Variants in KLHL28 observed in about 807,000 individuals in gnomAD.
The protein encoded by KLHL28 is kelch like family member 28.
KLHL28 carries 22 observed loss-of-function variants against 48.3 expected under a neutral mutation model. The ratio of observed to expected loss-of-function variants is 0.46; its 90% CI spans 0.33 to 0.65. The LOEUF (loss-of-function observed/expected upper bound fraction) is 0.65, where lower values mean the gene tolerates loss of function less well. Ranked by LOEUF, KLHL28 falls within the 30% of genes least tolerant of loss-of-function variation. KLHL28 has a pLI of 0.03. For missense variants in KLHL28, 527 were observed against 704.3 expected, an observed-to-expected ratio of 0.75 and a Z score of 2.85; for synonymous variants, 243 against 242.4, an observed-to-expected ratio of 1.00 and a Z score of -0.02.
At chr14:44,941,639 AAAAAAAG>A (rs1726147907) in intron 2 of KLHL28, among the ~76,000 whole-genome samples, 1 of 151,642 alleles carries the variant, frequency 6.6e-6, no homozygotes, top group South Asian at 2.1e-4. Context: ...AAAAAAAAAA[AAAAAAAG>A]AAAAAGAAAA....
At chr14:44,946,009 A>C in intron 1 of KLHL28, 81 bp from the exon 2 acceptor site, 2 of 1,075,456 alleles carry the variant, frequency 1.9e-6, no homozygotes, top group Non-Finnish European at 2.7e-6. Flanking sequence ...GTACAGAATA[A>C]TCAGATTTGT....
chr14:44,961,656 G>A (rs923101282), intron 1 of KLHL28, 190 bp downstream of exon 1: 3 of 152,150 alleles, frequency 2.0e-5, no homozygotes, highest in Non-Finnish European at 4.4e-5. Flanking sequence ...ATGGCAAGAG[G>A]AAAGGATCGC....
chr14:44,941,099 C>T (rs1018071794), intron 2 of KLHL28, among the ~76,000 whole-genome samples: 2 of 151,390 alleles, frequency 1.3e-5, no homozygotes, highest in Non-Finnish European at 3.0e-5. Context: ...GACACCTGGG[C>T]GACAGAGCGA....
chr14:44,939,452 T>C (rs7154959), intron 2 of KLHL28, among the ~76,000 whole-genome samples: 467 of 152,322 alleles, frequency 3.1e-3, no homozygotes, highest in African/African-American at 0.011. Flanking sequence ...TTTCCAAGTC[T>C]TTCTGTTCCG....
chr14:44,953,050 A>T (rs1405943139), intron 1 of KLHL28, among the ~76,000 whole-genome samples: 1 of 152,232 alleles, frequency 6.6e-6, no homozygotes, highest in African/African-American at 2.4e-5. Flanking sequence ...AAGCTTAAAC[A>T]TTCTCATTTG....
intron 2 of KLHL28, among the ~76,000 whole-genome samples, chr14:44,936,161 G>A (rs1034890335): frequency 6.6e-6 from 1 of 151,722 alleles, no homozygotes; most frequent in Admixed American, 6.6e-5. Context: ...GTGAAAACAG[G>A]GGGTATAACT....
chr14:44,943,341 T>C (rs1457715395), intron 2 of KLHL28, among the ~76,000 whole-genome samples: 2 of 152,220 alleles, frequency 1.3e-5, no homozygotes, highest in Non-Finnish European at 2.9e-5. Context: ...GTCTCAACAA[T>C]ACTAGTTTCA....
intron 2 of KLHL28, among the ~76,000 whole-genome samples, chr14:44,944,488 T>A (rs2138627328): frequency 6.6e-6 from 1 of 152,360 alleles, no homozygotes. Flanking sequence ...AAAAACATAT[T>A]TCTTAATGCT....
At chr14:44,929,608 C>T (rs1268541581) in intron 4 of KLHL28, among the ~76,000 whole-genome samples, 1 of 152,100 alleles carries the variant, frequency 6.6e-6, no homozygotes, top group Non-Finnish European at 1.5e-5. Flanking sequence ...CAGTTTCAGT[C>T]CACTGGGGGT....
intron 1 of KLHL28, among the ~76,000 whole-genome samples, chr14:44,949,254 T>C (rs1884473734): frequency 6.6e-6 from 1 of 152,140 alleles, no homozygotes; most frequent in Non-Finnish European, 1.5e-5. Context: ...AAGATTTGAC[T>C]TGTGAATACC....
In KLHL28 at chr14:44,941,831, C is replaced by T. The variant is rs774649614; in HGVS notation, c.899+3199G>A. Among the ~76,000 whole-genome samples, 6 of 152,152 alleles carry T rather than the reference C, an allele frequency of 3.9e-5. No individual in the cohort carries two copies. The East Asian group carries it at 7.7e-4, about 20-fold the overall frequency. On this transcript the variant is annotated intron_variant, in intron 2 of 4. Coordinates refer to ENST00000396128, the MANE Select transcript of KLHL28 (RefSeq NM_017658.5). ...GACTCTATTCACTTGGTTCCCCTAC[C>T]GCTAAAATTGTTCCTGCTGCCCTCA...
intron 1 of KLHL28, among the ~76,000 whole-genome samples, chr14:44,950,590 T>C (rs985199400): frequency 6.6e-6 from 1 of 152,174 alleles, no homozygotes; most frequent in Non-Finnish European, 1.5e-5. Flanking sequence ...TTGTATGATA[T>C]GCAGTATAGT....
intron 1 of KLHL28, among the ~76,000 whole-genome samples, chr14:44,953,301 CA>C (rs1884665152): frequency 6.6e-6 from 1 of 151,980 alleles, no homozygotes; most frequent in Non-Finnish European, 1.5e-5. Context: ...GGATAAATTA[CA>C]AATGAATCAG....
At chr14:44,929,622 G>A (rs1291255833) in intron 4 of KLHL28, among the ~76,000 whole-genome samples, 2 of 152,080 alleles carry the variant, frequency 1.3e-5, no homozygotes, top group Non-Finnish European at 2.9e-5. Flanking sequence ...TGGGGGTCTT[G>A]GAATATATAT....
rs921900081 is a variant in KLHL28, at chr14:44,927,985, G to C, written c.*1043C>G. On this transcript the variant is annotated 3_prime_UTR_variant, in exon 5 of 5. Coordinates refer to ENST00000396128, the MANE Select transcript of KLHL28 (RefSeq NM_017658.5). ...GCGTAATCACTAACATTTTTAATAA[G>C]CACAAATGAATCAAGCCATTAAAAA... 1 of 152,422 alleles carries C rather than the reference G, an allele frequency of 6.6e-6. No individual in the cohort carries two copies. The highest frequency in any genetic ancestry group is 2.1e-4 in the South Asian group (1 of 4,822). 9.4% of individuals were successfully genotyped at this position (152,422 alleles called of 1,614,324 possible). A position where few individuals can be genotyped will look rare whatever the true frequency, so the allele number is the denominator to read the frequency against.
chr14:44,950,576 A>G (rs1884537861), intron 1 of KLHL28, among the ~76,000 whole-genome samples: 1 of 152,188 alleles, frequency 6.6e-6, no homozygotes, highest in South Asian at 2.1e-4. Context: ...ACACATGCAT[A>G]TATTTGTATG....
In KLHL28 at chr14:44,938,617, G is replaced by A. The variant is rs979097659; in HGVS notation, c.900-4059C>T. On this transcript the variant is annotated intron_variant, in intron 2 of 4. Coordinates refer to ENST00000396128, the MANE Select transcript of KLHL28 (RefSeq NM_017658.5). ...AATCTCCTGACCTCGCGATCTGCCC[G>A]CCTTGGCCTCCCAAAGTGCTGAGAT... Among the ~76,000 whole-genome samples the A allele has an allele frequency of 7.9e-5, 12 of 152,266 alleles. No homozygotes were observed. The East Asian group carries it at 1.2e-3, about 15-fold the overall frequency.
At chr14:44,953,390 C>T (rs928404758) in intron 1 of KLHL28, among the ~76,000 whole-genome samples, 2 of 152,008 alleles carry the variant, frequency 1.3e-5, no homozygotes, top group Non-Finnish European at 2.9e-5. Flanking sequence ...AATTTAGTCC[C>T]CAATGCGGTA....
At chr14:44,954,508 G>C (rs1884716664) in intron 1 of KLHL28, among the ~76,000 whole-genome samples, 1 of 152,114 alleles carries the variant, frequency 6.6e-6, no homozygotes, top group Non-Finnish European at 1.5e-5. Context: ...GTACTATACA[G>C]CGATGAAAAG....
Sources: allele counts gnomAD v4.1 joint callset (sites outside exome capture counted in the v4.1 genomes callset), GRCh38; gene constraint gnomAD v4.1.1; transcripts MANE v1.5; gene names NCBI Gene and HGNC (gene_info 2026-07-23, HGNC 2026-07-21).